LLGL2: variants seen among roughly 807,000 people sequenced by gnomAD.
The protein encoded by LLGL2 is LLGL scribble cell polarity complex component 2.
LLGL2 carries 81 observed loss-of-function variants against 123.2 expected under a neutral mutation model. The observed-to-expected ratio is 0.66, with a 90% CI of 0.55 to 0.79. The LOEUF (loss-of-function observed/expected upper bound fraction) is 0.79, where lower values mean the gene tolerates loss of function less well. Ranked by LOEUF, LLGL2 falls within the 30% of genes least tolerant of loss-of-function variation. LLGL2 has a pLI of 0.00. For missense variants in LLGL2, 1,273 were observed against 1,414.6 expected, an observed-to-expected ratio of 0.90 and a Z score of 1.61; for synonymous variants, 577 against 594.1, an observed-to-expected ratio of 0.97 and a Z score of 0.42.
intron 21 of LLGL2, 103 bp downstream of exon 21, chr17:75,573,734 C>A (rs537888835): frequency 1.5e-5 from 20 of 1,317,774 alleles, no homozygotes; most frequent in Non-Finnish European, 1.9e-5. Context: ...CACCTCCCCA[C>A]GAGCTCAGCC....
At chr17:75,560,278 C>G (rs2055141647) in intron 6 of LLGL2, among the ~76,000 whole-genome samples, 1 of 152,182 alleles carries the variant, frequency 6.6e-6, no homozygotes, top group African/African-American at 2.4e-5. Context: ...GGCAGTGTGT[C>G]CAAGGTCAGA....
intron 1 of LLGL2, among the ~76,000 whole-genome samples, chr17:75,530,388 C>T (rs1244954091): frequency 1.3e-5 from 2 of 152,064 alleles, no homozygotes; most frequent in Non-Finnish European, 1.5e-5. Flanking sequence ...CGGTGTCTCA[C>T]GCCTGTAATT....
At chr17:75,535,219 C>T (rs2147124022) in intron 1 of LLGL2, among the ~76,000 whole-genome samples, 1 of 152,380 alleles carries the variant, frequency 6.6e-6, no homozygotes, top group South Asian at 2.1e-4. Flanking sequence ...GGGGCGGATT[C>T]ACATCCGTCA....
intron 1 of LLGL2, among the ~76,000 whole-genome samples, chr17:75,535,319 C>T (rs1274368248): frequency 2.0e-5 from 3 of 152,224 alleles, no homozygotes; most frequent in Admixed American, 6.5e-5. Context: ...GTGGGGAGCA[C>T]GAGCGAAGAG....
chr17:75,551,638 T>C (rs995166679), intron 2 of LLGL2, among the ~76,000 whole-genome samples: 47 of 152,088 alleles, frequency 3.1e-4, no homozygotes, highest in Admixed American at 3.0e-3. Flanking sequence ...GGTGAAATGT[T>C]AGAAGAACTG....
chr17:75,527,576 CT>C (rs759293550), intron 1 of LLGL2, among the ~76,000 whole-genome samples: 98 of 150,736 alleles, frequency 6.5e-4, no homozygotes, highest in African/African-American at 2.0e-3. Flanking sequence ...ACTTTTTTCT[CT>C]TTTTTTTTCT....
intron 1 of LLGL2, among the ~76,000 whole-genome samples, chr17:75,527,674 C>T (rs2053621631): frequency 6.6e-6 from 1 of 151,440 alleles, no homozygotes; most frequent in African/African-American, 2.4e-5. Context: ...CATATGTTGC[C>T]CAGGCTGGTC....
rs190348888 is a variant in LLGL2, at chr17:75,544,185, C to T, written c.75+684C>T. On this transcript the variant is annotated intron_variant, in intron 2 of 25. Coordinates refer to ENST00000392550, the MANE Select transcript of LLGL2 (RefSeq NM_001031803.2). The surrounding 1 kb of genome is among the most constrained non-coding windows in gnomAD (Gnocchi z 4.2). The stretch of plus-strand genomic sequence containing the variant: ...GGAGGCGTGCAGTGTGGCTCTTCAG[C>T]TCCCGGGCCACCAAGCAGTGTGGGG... Among the ~76,000 whole-genome samples the T allele has an allele frequency of 6.6e-6, 1 of 152,312 alleles. No homozygotes were observed. The highest frequency in any genetic ancestry group is 1.9e-4 in the East Asian group (1 of 5,172).
At chr17:75,531,705 C>G (rs1378419368) in intron 1 of LLGL2, among the ~76,000 whole-genome samples, 1 of 152,230 alleles carries the variant, frequency 6.6e-6, no homozygotes, top group Non-Finnish European at 1.5e-5. Flanking sequence ...CTCCCCAGCC[C>G]TGGCTCCCTA....
At chr17:75,562,962 G>T in intron 6 of LLGL2, 54 bp from the exon 7 acceptor site, 1 of 1,596,378 alleles carries the variant, frequency 6.3e-7, no homozygotes, top group Non-Finnish European at 8.5e-7. Context: ...CCATGCTGGG[G>T]GCCATTCCCC....
chr17:75,573,957 C>T lies in LLGL2; in HGVS notation c.2882C>T (p.Ser961Leu). 1 of 1,550,836 alleles carries T rather than the reference C, an allele frequency of 6.4e-7. No homozygotes were observed. The highest frequency in any genetic ancestry group is 8.7e-7 in the Non-Finnish European group (1 of 1,146,972). The change falls in exon 22 of 26, where the codon TCA becomes TTA. Residue 961 changes from serine (S) to leucine (L), a missense_variant. By Grantham distance (145) the Ser-to-Leu change is moderately radical. Coordinates refer to ENST00000392550, the MANE Select transcript of LLGL2 (RefSeq NM_001031803.2). ...PKKAPSRARN[S>L]GTQSDGEEKQ... ...CACTGTCTCTTCCCCCACAGGAACT[C>T]AGGGACTCAGAGTGATGGCGAGGGT... is the stretch of plus-strand genomic sequence containing the variant.
Position 75,544,401 on chromosome 17 carries a change from G to A in LLGL2, c.75+900G>A, listed in dbSNP as rs776327762. Among the ~76,000 whole-genome samples, 3 of 152,210 alleles carry A rather than the reference G, an allele frequency of 2.0e-5. No homozygotes were observed. Among genetic ancestry groups the A allele is most frequent in the Admixed American group, 6.5e-5 (1 of 15,284 alleles). On this transcript the variant is annotated intron_variant, in intron 2 of 25. Coordinates refer to ENST00000392550, the MANE Select transcript of LLGL2 (RefSeq NM_001031803.2). The surrounding 1 kb of genome is among the most constrained non-coding windows in gnomAD (Gnocchi z 4.2). ...CTGCCCCCGAAAGGAAGCAGTGGATGTGAGACCAGACAGTCTGGAAAAGGG... is the reference window on the plus strand; with the variant it reads ...CTGCCCCCGAAAGGAAGCAGTGGATATGAGACCAGACAGTCTGGAAAAGGG...
Position 75,558,103 on chromosome 17 carries a change from C to T in LLGL2, c.174-52C>T. 6.4e-7 allele frequency: 1 copy of T among 1,557,554 alleles called. No individual in the cohort carries two copies. Among genetic ancestry groups the T allele is most frequent in the East Asian group, 2.2e-5 (1 of 44,612 alleles). On this transcript the variant is annotated intron_variant, in intron 3 of 25. Coordinates refer to ENST00000392550, the MANE Select transcript of LLGL2 (RefSeq NM_001031803.2). The surrounding 1 kb of genome is among the most constrained non-coding windows in gnomAD (Gnocchi z 4.0). Reference sequence around the variant, plus strand: ...GGCCCCGAGGGCCTGGCACTCAAGGCAGGCAGGGGATGGTGTCCGACCTTC... The same window carrying T: ...GGCCCCGAGGGCCTGGCACTCAAGGTAGGCAGGGGATGGTGTCCGACCTTC...
intron 1 of LLGL2, among the ~76,000 whole-genome samples, chr17:75,539,608 CT>C (rs540477851): frequency 0.17 from 22,267 of 134,474 alleles, 1,927 homozygotes; most frequent in African/African-American, 0.25. Flanking sequence ...TTTCTGGTTA[CT>C]TTTTTTTTTT....
Position 75,558,285 on chromosome 17 carries a change from C to T in LLGL2, c.255+49C>T. ...GAAGCCACTTCCATGCCCTCCTTGC[C>T]TTCACTGCTTCCAGCAGGGCTGGTG... On this transcript the variant is annotated intron_variant, in intron 4 of 25. Transcript: ENST00000392550. The surrounding 1 kb of genome is among the most constrained non-coding windows in gnomAD (Gnocchi z 4.0). 2 of 1,536,166 alleles carry T rather than the reference C, an allele frequency of 1.3e-6. No homozygotes were observed. The highest frequency in any genetic ancestry group is 8.9e-7 in the Non-Finnish European group (1 of 1,117,484).
At chr17:75,527,535 T>G (rs1473169695) in intron 1 of LLGL2, among the ~76,000 whole-genome samples, 1 of 152,172 alleles carries the variant, frequency 6.6e-6, no homozygotes, top group African/African-American at 2.4e-5. Flanking sequence ...GACACTACAT[T>G]CATAAATAAG....
At chr17:75,533,222 A>G (rs1274837570) in intron 1 of LLGL2, among the ~76,000 whole-genome samples, 3 of 145,852 alleles carry the variant, frequency 2.1e-5, no homozygotes, top group Non-Finnish European at 3.0e-5. Flanking sequence ...GATGGTCTTG[A>G]TCTCCTGACC....
chr17:75,547,662 TA>T (rs1218451773), intron 2 of LLGL2, among the ~76,000 whole-genome samples: 2 of 152,004 alleles, frequency 1.3e-5, no homozygotes, highest in African/African-American at 4.8e-5. Flanking sequence ...CCATCTCTAC[TA>T]AAAATACAAA....
chr17:75,549,544 G>A lies in LLGL2; in HGVS notation c.75+6043G>A, dbSNP rs1022239864. Reference sequence around the variant, plus strand: ...GCCAGGTTGTTCTGTATTGGCTTTCGAATGGCTGGGCCCCTGGTGTCAGGT... The same window carrying A: ...GCCAGGTTGTTCTGTATTGGCTTTCAAATGGCTGGGCCCCTGGTGTCAGGT... On this transcript the variant is annotated intron_variant, in intron 2 of 25. Coordinates refer to ENST00000392550, the MANE Select transcript of LLGL2 (RefSeq NM_001031803.2). This position sits in a 1 kb window ranked among gnomAD's most constrained non-coding sequence, Gnocchi z 4.0. Among the ~76,000 whole-genome samples, 4 of 152,246 alleles carry A rather than the reference G, an allele frequency of 2.6e-5. No individual in the cohort carries two copies. In the Middle Eastern group the frequency reaches 0.01, roughly 388 times the overall value.
Sources: allele counts gnomAD v4.1 joint callset (sites outside exome capture counted in the v4.1 genomes callset), GRCh38; gene constraint gnomAD v4.1.1; non-coding constraint Gnocchi (gnomAD v3.1); transcripts MANE v1.5; gene names NCBI Gene and HGNC (gene_info 2026-07-23, HGNC 2026-07-21).